COL16A1: variants seen among roughly 807,000 people sequenced by gnomAD.
The protein encoded by COL16A1 is collagen alpha-1(XVI) chain.
COL16A1 carries 189 observed loss-of-function variants against 266.3 expected under a neutral mutation model. The observed-to-expected ratio is 0.71, with a 90% confidence interval of 0.63 to 0.80. COL16A1 has a LOEUF of 0.80. Among genes scored for constraint, COL16A1 ranks in the 30% least tolerant of loss-of-function variants. COL16A1 has a pLI of 0.00. For missense variants in COL16A1, 1,928 were observed against 2,122.4 expected, an observed-to-expected ratio of 0.91 and a Z score of 1.80; for synonymous variants, 740 against 782.3, an observed-to-expected ratio of 0.95 and a Z score of 0.90.
intron 58 of COL16A1, 135 bp from the exon 59 acceptor site, chr1:31,661,839 C>T (rs1451316681): frequency 8.4e-6 from 8 of 948,218 alleles, no homozygotes; most frequent in East Asian, 2.7e-5. Context: ...CTGGCTCAGC[C>T]TCTGACTGGC....
Position 31,685,101 on chromosome 1 carries a change from A to G in COL16A1, c.2017-245T>C, listed in dbSNP as rs940801364. ...TCTTCAGCTGTCAAATGGGGATGATAAAAATAGTATAGGCTTCTGCCCTGT... is the reference window on the plus strand; with the variant it reads ...TCTTCAGCTGTCAAATGGGGATGATGAAAATAGTATAGGCTTCTGCCCTGT... On this transcript the variant is annotated intron_variant, in intron 29 of 70. Transcript: ENST00000373672. This position sits in a 1 kb window ranked among gnomAD's most constrained non-coding sequence, Gnocchi z 4.0. Among the ~76,000 whole-genome samples the G allele has an allele frequency of 1.3e-4, 20 of 152,308 alleles. No homozygotes were observed. The highest frequency in any genetic ancestry group is 1.2e-3 in the Admixed American group (19 of 15,298).
chr1:31,662,448 C>A (rs995802373), intron 57 of COL16A1, 61 bp from the exon 58 acceptor site: 1 of 1,582,854 alleles, frequency 6.3e-7, no homozygotes, highest in Non-Finnish European at 8.6e-7. Flanking sequence ...GGTGGGAGGC[C>A]TGGCCCAACC....
chr1:31,689,311 T>A (rs1307601624), intron 23 of COL16A1: 3 of 675,730 alleles, frequency 4.4e-6, no homozygotes, highest in Admixed American at 2.9e-5. Flanking sequence ...CAGTGGGAAG[T>A]TCCTGCATAT....
intron 63 of COL16A1, 122 bp downstream of exon 63, chr1:31,658,792 C>T: frequency 1.6e-6 from 2 of 1,254,242 alleles, no homozygotes; most frequent in South Asian, 2.7e-5. Context: ...GAGAGGCTGA[C>T]ACCAGGGAAG....
chr1:31,670,956 C>G lies in COL16A1; in HGVS notation c.3151-310G>C, dbSNP rs1642628605. ...AGCCCATTTCTTTCAGCCTTGCCCA[C>G]CATGCCTGCCACCCGACCTCCACCT... On this transcript the variant is annotated intron_variant, in intron 48 of 70. Transcript: ENST00000373672. The surrounding 1 kb of genome is among the most constrained non-coding windows in gnomAD (Gnocchi z 4.5). 1.3e-5 allele frequency among the ~76,000 whole-genome samples: 2 copies of G among 152,192 alleles called. No individual in the cohort carries two copies. Among genetic ancestry groups the G allele is most frequent in the Non-Finnish European group, 2.9e-5 (2 of 68,034 alleles).
chr1:31,701,573 C>G, intron 2 of COL16A1: 6 of 985,380 alleles, frequency 6.1e-6, no homozygotes, highest in Non-Finnish European at 7.2e-6. Flanking sequence ...AAAGCTGCAC[C>G]CTCTGTCTCA....
At position 31,668,896 on chromosome 1, in the gene COL16A1, T is replaced by TGCCCCC; in HGVS notation, c.3196-42_3196-41insGGGGGC. 6 of 1,569,662 alleles carry TGCCCCC rather than the reference T, an allele frequency of 3.8e-6. No homozygotes were observed. Among genetic ancestry groups the TGCCCCC allele is most frequent in the Non-Finnish European group, 3.5e-6 (4 of 1,150,094 alleles). On this transcript the variant is annotated intron_variant, in intron 49 of 70. Transcript: ENST00000373672. The surrounding 1 kb of genome is among the most constrained non-coding windows in gnomAD (Gnocchi z 5.8). ...CATGAGAAACTGCAGGAGCCGGCGG[T>TGCCCCC]CCCCACCCAGCCCCTGACTCCTTCC...
At chr1:31,662,689 C>G in intron 56 of COL16A1, 31 bp from the exon 57 acceptor site, 1 of 1,134,766 alleles carries the variant, frequency 8.8e-7, no homozygotes, top group Non-Finnish European at 1.2e-6. Flanking sequence ...CCCCCCCCGC[C>G]CCACAATAAA....
At chr1:31,700,011 G>C (rs1326499291) in intron 3 of COL16A1, 30 bp downstream of exon 3, 4 of 1,613,444 alleles carry the variant, frequency 2.5e-6, no homozygotes, top group Non-Finnish European at 3.4e-6. Flanking sequence ...AGGTTGCAGG[G>C]ACGGCGCGAT....
chr1:31,688,726 A>T lies in COL16A1; in HGVS notation c.1767+135T>A. ...CAGGGACGGAGGGAGGGACCAGGAG[A>T]CAGGCCTGGGACACCTGCCTCTTCC... On this transcript the variant is annotated intron_variant, in intron 25 of 70. Transcript: ENST00000373672. This position sits in a 1 kb window ranked among gnomAD's most constrained non-coding sequence, Gnocchi z 4.9. 1 of 1,104,660 alleles carries T rather than the reference A, an allele frequency of 9.1e-7. No homozygotes were observed. The highest frequency in any genetic ancestry group is 1.5e-5 in the South Asian group (1 of 66,540). The allele number at this position is 1,104,660 out of a possible 1,614,324, so 68.4% of individuals were successfully genotyped here.
intron 60 of COL16A1, 66 bp downstream of exon 60, chr1:31,661,348 T>C: frequency 6.2e-7 from 1 of 1,610,912 alleles, no homozygotes; most frequent in South Asian, 1.1e-5. Flanking sequence ...GGCTGCCATG[T>C]ATGCCTGGGG....
Position 31,694,863 on chromosome 1 carries a change from G to A in COL16A1, c.981+323C>T, listed in dbSNP as rs371171090. Among the ~76,000 whole-genome samples the A allele has an allele frequency of 8.5e-5, 13 of 152,206 alleles. No individual in the cohort carries two copies. In the East Asian group the frequency reaches 1.2e-3, roughly 14 times the overall value. On this transcript the variant is annotated intron_variant, in intron 11 of 70. Transcript: ENST00000373672. ...AGGAGAATGAAGGAAGCCTCCACCA[G>A]GGCAGGGGGAGAACTTGCAGGGAGT...
At chr1:31,665,277 A>AG (rs768816804) in intron 55 of COL16A1, 43 bp from the exon 56 acceptor site, 327 of 1,576,694 alleles carry the variant, frequency 2.1e-4, no homozygotes, top group Middle Eastern at 1.2e-3. Context: ...GTGGGGCTGG[A>AG]GGGGGAGCTC....
rs369170109 is a variant in COL16A1, at chr1:31,653,872, A to G, written c.4529T>C (p.Val1510Ala). ...GAACTGTAGGGCAGAGCTACCTCTT[A>G]CTCCTGGCAAGCCCTGCCGTCCTTC... ...GREGRQGLPG[V>A]RGLPGTKGEK... Residue 1510 changes from valine to alanine, a missense_variant, in exon 69 of 71, where the codon GTA becomes GCA. By Grantham distance (64) the Val-to-Ala change is moderately conservative (BLOSUM62 0). Around this residue, in one of 2 missense-constraint regions of COL16A1, gnomAD observed 376 missense variants for 485.2 expected, o/e 0.77. Coordinates refer to ENST00000373672, the MANE Select transcript of COL16A1 (RefSeq NM_001856.4). 5 of 1,610,218 alleles carry G rather than the reference A, an allele frequency of 3.1e-6. No homozygotes were observed. The highest frequency in any genetic ancestry group is 4.2e-6 in the Non-Finnish European group (5 of 1,177,702).
intron 26 of COL16A1, among the ~76,000 whole-genome samples, chr1:31,687,486 G>T (rs578155475): frequency 1.3e-5 from 2 of 151,614 alleles, no homozygotes; most frequent in South Asian, 4.2e-4. Flanking sequence ...CAGTGGCCAC[G>T]GGCAGGCCAG....
chr1:31,654,888 T>G (rs917337089), intron 67 of COL16A1, 30 bp from the exon 68 acceptor site: 6 of 1,612,272 alleles, frequency 3.7e-6, no homozygotes, highest in Non-Finnish European at 5.1e-6. Flanking sequence ...CCTGCCTCAA[T>G]TATACTTCCA....
chr1:31,688,567 T>C lies in COL16A1; in HGVS notation c.1768-65A>G. 4 of 1,596,820 alleles carry C rather than the reference T, an allele frequency of 2.5e-6. No individual in the cohort carries two copies. The highest frequency in any genetic ancestry group is 3.4e-6 in the Non-Finnish European group (4 of 1,164,422). On this transcript the variant is annotated intron_variant, in intron 25 of 70. Coordinates refer to ENST00000373672, the MANE Select transcript of COL16A1 (RefSeq NM_001856.4). This position sits in a 1 kb window ranked among gnomAD's most constrained non-coding sequence, Gnocchi z 4.9. ...TCCCACCTCTCCAAGGCTCCCCGGG[T>C]CCCAGTGTCCAACCAGAAACAGAAC...
Position 31,658,547 on chromosome 1 carries a change from C to A in COL16A1, c.3961G>T (p.Glu1321Ter). Residue 1321 changes from glutamate (E) to a stop codon, truncating the protein, a stop_gained, in exon 64 of 71, where the codon GAA (glutamate) becomes TAA (stop). Transcript: ENST00000373672. LOFTEE classifies it high-confidence loss of function. ...GLKGDRGATG[E>*]RGLAGLPGQP... ...CCTGGGAGGCCTGCAAGGCCCCTTT[C>A]TCCGGTGGCTCCTCGGTCTCCTTTC... 1 of 1,604,618 alleles carries A rather than the reference C, an allele frequency of 6.2e-7. No individual in the cohort carries two copies. The highest frequency in any genetic ancestry group is 8.5e-7 in the Non-Finnish European group (1 of 1,176,558).
At chr1:31,661,891 C>G (rs932905083) in intron 58 of COL16A1, 187 bp from the exon 59 acceptor site, 4 of 657,296 alleles carry the variant, frequency 6.1e-6, no homozygotes, top group Non-Finnish European at 1.1e-5. Context: ...CGGGCCTTAG[C>G]TTTCCTTCTT....
Sources: gnomAD v4.1 joint callset for allele counts (sites outside exome capture counted in the v4.1 genomes callset) on GRCh38, gnomAD v4.1.1 for gene constraint, gnomAD v4.1.1 regional missense constraint, Gnocchi (gnomAD v3.1) non-coding constraint, MANE v1.5 for transcripts, NCBI Gene and HGNC (gene_info 2026-07-23, HGNC 2026-07-21) for gene names.